The following SDK1 variants were observed in gnomAD, a reference collection of about 807,000 sequenced individuals.
SDK1 encodes protein sidekick-1.
Under a neutral mutation model 245.5 loss-of-function variants are expected in SDK1, and 157 were observed. That is an observed-to-expected ratio of 0.64 (90% confidence interval 0.56 to 0.73). The LOEUF (loss-of-function observed/expected upper bound fraction) is 0.73. Among genes scored for constraint, SDK1 ranks in the 30% least tolerant of loss-of-function variants. SDK1 has a pLI of 0.00. For missense variants in SDK1, 3,583 were observed against 3,002.3 expected (o/e 1.19, Z -4.52); for synonymous variants, 1,647 against 1,278.5 (o/e 1.29, Z -6.15).
chr7:4,235,704 C>T (rs563472521), intron 41 of SDK1, among the ~76,000 whole-genome samples: 105 of 152,356 alleles, frequency 6.9e-4, no homozygotes, highest in African/African-American at 2.5e-3. Context: ...CACTTTGACC[C>T]CACTTCCCAG....
At chr7:3,809,531 G>A (rs1028900634) in intron 4 of SDK1, among the ~76,000 whole-genome samples, 5 of 152,170 alleles carry the variant, frequency 3.3e-5, no homozygotes, top group Admixed American at 2.6e-4. Flanking sequence ...GTCTTAACAC[G>A]AGAGTGGAAC....
At chr7:4,068,244 T>A (rs77959385) in intron 20 of SDK1, among the ~76,000 whole-genome samples, 72 of 152,354 alleles carry the variant, frequency 4.7e-4, no homozygotes, top group Non-Finnish European at 8.7e-4. Flanking sequence ...ATGACACATT[T>A]GTTCACATGC....
chr7:3,619,950 G>A (rs575907138), intron 2 of SDK1, among the ~76,000 whole-genome samples: 2 of 152,132 alleles, frequency 1.3e-5, no homozygotes, highest in African/African-American at 4.8e-5. Flanking sequence ...CTTTCCAGGG[G>A]TATACTTTTG....
At chr7:3,620,239 C>T (rs1024060337) in intron 2 of SDK1, among the ~76,000 whole-genome samples, 1 of 151,860 alleles carries the variant, frequency 6.6e-6, no homozygotes, top group Non-Finnish European at 1.5e-5. Context: ...ATGTGTGTGT[C>T]AGTTGTCTGT....
chr7:3,703,261 G>A (rs898973056), intron 4 of SDK1, among the ~76,000 whole-genome samples: 1 of 152,110 alleles, frequency 6.6e-6, no homozygotes, highest in Non-Finnish European at 1.5e-5. Context: ...GTGCATTCAT[G>A]TCATAGAACA....
At chr7:4,236,342 C>A (rs1583146528) in intron 41 of SDK1, among the ~76,000 whole-genome samples, 1 of 152,210 alleles carries the variant, frequency 6.6e-6, no homozygotes, top group Non-Finnish European at 1.5e-5. Flanking sequence ...CTTTTCTGTT[C>A]TGAGCGAGCA....
At chr7:3,857,357 A>C (rs927417637) in intron 5 of SDK1, among the ~76,000 whole-genome samples, 4 of 152,158 alleles carry the variant, frequency 2.6e-5, no homozygotes, top group South Asian at 2.1e-4. Flanking sequence ...GCAAACTGTC[A>C]TTATTTCAGG....
At chr7:4,258,368 C>A (rs1787754026) in intron 44 of SDK1, among the ~76,000 whole-genome samples, 1 of 152,150 alleles carries the variant, frequency 6.6e-6, no homozygotes, top group South Asian at 2.1e-4. Context: ...GTACACAGGG[C>A]AGAGAGATGC....
intron 1 of SDK1, among the ~76,000 whole-genome samples, chr7:3,364,496 A>G (rs1562442290): frequency 6.6e-6 from 1 of 152,166 alleles, no homozygotes; most frequent in African/African-American, 2.4e-5. Flanking sequence ...TTTTAAACCC[A>G]TGGATATGCA....
intron 34 of SDK1, among the ~76,000 whole-genome samples, chr7:4,176,582 C>T (rs776725649): frequency 6.6e-6 from 1 of 152,162 alleles, no homozygotes; most frequent in Non-Finnish European, 1.5e-5. Context: ...CAGCCGTCAC[C>T]ATCATTCTCC....
intron 35 of SDK1, among the ~76,000 whole-genome samples, chr7:4,204,062 G>A (rs555310368): frequency 2.6e-5 from 4 of 152,342 alleles, no homozygotes; most frequent in South Asian, 2.1e-4. Flanking sequence ...TCGTGGGCGC[G>A]CTGAGTTGGG....
chr7:3,811,263 G>C (rs1161013732), intron 4 of SDK1, among the ~76,000 whole-genome samples: 1 of 152,168 alleles, frequency 6.6e-6, no homozygotes, highest in African/African-American at 2.4e-5. Flanking sequence ...ATCGGGGCCA[G>C]ATCCAGTTCC....
intron 35 of SDK1, among the ~76,000 whole-genome samples, chr7:4,197,206 G>A (rs544203220): frequency 6.6e-6 from 1 of 152,140 alleles, no homozygotes; most frequent in South Asian, 2.1e-4. Context: ...GCTCATGCCT[G>A]CCATCCCAGC....
chr7:4,239,376 C>T (rs368399254), intron 42 of SDK1, among the ~76,000 whole-genome samples: 5 of 152,166 alleles, frequency 3.3e-5, no homozygotes, highest in African/African-American at 7.2e-5. Context: ...TCTACGTGGA[C>T]GGTAGTTACA....
chr7:3,632,906 G>C (rs1692847624), intron 2 of SDK1, among the ~76,000 whole-genome samples: 1 of 151,930 alleles, frequency 6.6e-6, no homozygotes, highest in South Asian at 2.1e-4. Flanking sequence ...TTTTGCTTTA[G>C]GAGAAAACCT....
Position 4,158,496 on chromosome 7 carries a change from C to T in SDK1, c.4674C>T (p.Asp1558=), listed in dbSNP as rs1241900224. The T allele has an allele frequency of 6.2e-7, 1 of 1,613,882 alleles. No homozygotes were observed. The highest frequency in any genetic ancestry group is 1.7e-5 in the Admixed American group (1 of 60,022). The change falls in exon 31 of 45, where the codon GAC becomes GAT. Residue 1558 remains aspartate (D), a synonymous_variant. Coordinates refer to ENST00000404826, the MANE Select transcript of SDK1 (RefSeq NM_152744.4). ...SYKLRLKATN[D]IGDSDFSSET... Reference sequence around the variant, plus strand: ...AGCTGCGCCTGAAAGCCACCAACGACATTGGGGACAGTGACTTCAGTTCAG... The same window carrying T: ...AGCTGCGCCTGAAAGCCACCAACGATATTGGGGACAGTGACTTCAGTTCAG...
At chr7:3,806,965 A>G (rs1038861908) in intron 4 of SDK1, among the ~76,000 whole-genome samples, 1 of 152,164 alleles carries the variant, frequency 6.6e-6, no homozygotes, top group African/African-American at 2.4e-5. Flanking sequence ...CAATTTACTC[A>G]GACTTTCTCA....
intron 4 of SDK1, among the ~76,000 whole-genome samples, chr7:3,776,180 A>G (rs1780554188): frequency 6.6e-6 from 1 of 152,258 alleles, no homozygotes; most frequent in Non-Finnish European, 1.5e-5. Flanking sequence ...TAATGAACGA[A>G]TGAGTAGCAT....
At chr7:3,732,543 T>C (rs1482103040) in intron 4 of SDK1, among the ~76,000 whole-genome samples, 1 of 152,258 alleles carries the variant, frequency 6.6e-6, no homozygotes, top group Non-Finnish European at 1.5e-5. Context: ...ATTTCCTTTT[T>C]TGTTCAGTGC....
Sources: allele counts gnomAD v4.1 joint callset (sites outside exome capture counted in the v4.1 genomes callset), GRCh38; gene constraint gnomAD v4.1.1; transcripts MANE v1.5; gene names NCBI Gene and HGNC (gene_info 2026-07-23, HGNC 2026-07-21).